Variants in FHDC1 observed in about 807,000 individuals in gnomAD.
The protein encoded by FHDC1 is FH2 domain containing 1, also known as FH2 domain-containing protein 1.
In FHDC1, 25 loss-of-function variants were observed where a neutral mutation model predicts 52.6. The observed-to-expected ratio is 0.48, with a 90% CI of 0.35 to 0.66. FHDC1 has a LOEUF of 0.66. Ranked by LOEUF, FHDC1 falls within the 30% of genes least tolerant of loss-of-function variation. FHDC1 has a pLI of 0.01. For missense variants in FHDC1, 1,459 were observed against 1,452.8 expected (o/e 1.00, Z -0.07); for synonymous variants, 616 against 581.5 (o/e 1.06, Z -0.85).
At chr4:152,956,991 C>G (rs1015001708) in intron 4 of FHDC1, among the ~76,000 whole-genome samples, 3 of 152,124 alleles carry the variant, frequency 2.0e-5, no homozygotes, top group African/African-American at 7.2e-5. Flanking sequence ...TGACTGCTGC[C>G]CACTGTAAGG....
chr4:152,969,871 G>A (rs148972135), intron 10 of FHDC1, among the ~76,000 whole-genome samples: 2,599 of 152,056 alleles, frequency 0.017, 83 homozygotes, highest in African/African-American at 0.058. Context: ...GGGTTTCACC[G>A]TGTTAGCCAG....
upstream of FHDC1, among the ~76,000 whole-genome samples, chr4:152,935,490 G>C (rs1739335607): frequency 6.6e-6 from 1 of 152,108 alleles, no homozygotes. Context: ...CGATTCCCCT[G>C]TTTCTTTCTG....
chr4:152,974,782 G>T lies in FHDC1; in HGVS notation c.1491G>T (p.Arg497=), dbSNP rs924623780. 1.9e-6 allele frequency: 3 copies of T among 1,549,982 alleles called. No individual in the cohort carries two copies. The Admixed American group carries it at 5.6e-5, about 29-fold the overall frequency. ...WATGELGAFG[R]SSSENDVELL... is the part of the protein sequence containing the mutation. ...CTGGGGAGCTGGGGGCATTTGGCCG[G>T]AGCAGCAGTGAGAATGATGTGGAGC... Residue 497 remains arginine (R), a synonymous_variant, in exon 12 of 12, where the codon CGG becomes CGT. Transcript: ENST00000511601.
Position 152,943,460 on chromosome 4 carries a change from G to A in FHDC1, c.403G>A (p.Glu135Lys), listed in dbSNP as rs759659260. ...CTACCAAATTGATACAAAGACCATT[G>A]AGGAGCTCTTTGGGCAGCAGGAAGA... Reference protein sequence around the residue: ...HHYQIDTKTIEELFGQQEDTT... With the variant: ...HHYQIDTKTIKELFGQQEDTT... Residue 135 changes from glutamate (E) to lysine (K), a missense_variant, in exon 2 of 12, where the codon GAG (glutamate) becomes AAG (lysine). By Grantham distance (56) the Glu-to-Lys change is moderately conservative. This residue lies in a region of FHDC1 where 513 missense variants were observed against 581.5 expected (regional missense o/e 0.88). Transcript: ENST00000511601. The A allele has an allele frequency of 6.2e-7, 1 of 1,614,120 alleles. No homozygotes were observed. Among genetic ancestry groups the A allele is most frequent in the Non-Finnish European group, 8.5e-7 (1 of 1,180,034 alleles).
At chr4:152,962,624 G>A (rs1449039397) in intron 6 of FHDC1, among the ~76,000 whole-genome samples, 190 bp from the exon 7 acceptor site, 2 of 152,176 alleles carry the variant, frequency 1.3e-5, no homozygotes, top group African/African-American at 2.4e-5. Flanking sequence ...ACTATGACAC[G>A]GATTGCCGGT....
Position 152,962,851 on chromosome 4 carries a change from C to T in FHDC1, c.888C>T (p.His296=). Residue 296 remains histidine, a synonymous_variant, in exon 7 of 12, where the codon CAC becomes CAT. Coordinates refer to ENST00000511601, the MANE Select transcript of FHDC1 (RefSeq NM_001371116.1). ...MSCEELHSIL[H]LVLQAGNIMN... ...GTGAAGAGCTACATTCAATATTACA[C>T]TTGGTGCTCCAGGCTGGGAATATCA... 2 of 1,613,950 alleles carry T rather than the reference C, an allele frequency of 1.2e-6. No homozygotes were observed. The highest frequency in any genetic ancestry group is 1.7e-6 in the Non-Finnish European group (2 of 1,179,986).
the FHDC1 span, among the ~76,000 whole-genome samples, chr4:152,926,675 G>A: frequency 1.4e-5 from 2 of 147,422 alleles, no homozygotes; most frequent in Admixed American, 1.4e-4. Flanking sequence ...TTTGCTGGCC[G>A]TTTTTTCTTT....
chr4:152,927,725 T>G, the FHDC1 span: 1 of 1,489,448 alleles, frequency 6.7e-7, no homozygotes, highest in Non-Finnish European at 9.4e-7. Context: ...TGATGAGGTT[T>G]CTCGACAGCA....
chr4:152,953,659 T>G, intron 3 of FHDC1, 99 bp downstream of exon 3: 1 of 990,896 alleles, frequency 1.0e-6, no homozygotes. Flanking sequence ...CCTCACACCT[T>G]CAAATCCTTC....
upstream of FHDC1, among the ~76,000 whole-genome samples, chr4:152,931,935 TAAAAAAAAAAAAAA>T (rs200667161): frequency 6.3e-5 from 6 of 95,262 alleles, no homozygotes; most frequent in East Asian, 2.9e-4. Flanking sequence ...AGAACCTGTC[TAAAAAAAAAAAAAA>T]AAAAAAAAAA....
At chr4:152,945,795 C>T (rs1739713165) in intron 2 of FHDC1, among the ~76,000 whole-genome samples, 1 of 152,176 alleles carries the variant, frequency 6.6e-6, no homozygotes, top group Admixed American at 6.5e-5. Flanking sequence ...TAAGTACATC[C>T]ACATTGTTGT....
intron 1 of FHDC1, among the ~76,000 whole-genome samples, chr4:152,939,260 G>C (rs1055430299): frequency 4.0e-5 from 6 of 151,670 alleles, no homozygotes; most frequent in South Asian, 4.2e-4. Context: ...GTGTGTGTTT[G>C]AGTGTGTGTG....
upstream of FHDC1, among the ~76,000 whole-genome samples, chr4:152,931,749 T>G (rs2149929152): frequency 6.6e-6 from 1 of 152,056 alleles, no homozygotes; most frequent in East Asian, 1.9e-4. Context: ...CATTTTCTAT[T>G]TTAAACTTTC....
In FHDC1 at chr4:152,978,557, A is replaced by C. The variant is rs913151685; in HGVS notation, c.*1834A>C. 2 of 27,356 alleles carry C rather than the reference A, an allele frequency of 7.3e-5. No individual in the cohort carries two copies. Among genetic ancestry groups the C allele is most frequent in the African/African-American group, 1.7e-4 (2 of 12,060 alleles). 1.7% of individuals were successfully genotyped at this position (27,356 alleles called of 1,614,324 possible). ...TTATTCAAAAGAAACAGTTGAAAAC[A>C]TGGGACTTTTTCTACCCAATGCCCA... On this transcript the variant is annotated 3_prime_UTR_variant, in exon 12 of 12. Transcript: ENST00000511601.
In FHDC1 at chr4:152,976,409, G is replaced by C. The variant is rs1740886248; in HGVS notation, c.3118G>C (p.Val1040Leu). The C allele has an allele frequency of 1.2e-6, 2 of 1,613,678 alleles. No individual in the cohort carries two copies. The highest frequency in any genetic ancestry group is 1.7e-6 in the Non-Finnish European group (2 of 1,180,050). ...TGTCCCGAGCTTTGCCCGGAACACA[G>C]TGGCCTCCTCCTCTCGAAGCATGAG... Reference protein sequence around the residue: ...PRVPSFARNTVASSSRSMRTD... With the variant: ...PRVPSFARNTLASSSRSMRTD... Residue 1040 changes from valine (V) to leucine (L), a missense_variant, in exon 12 of 12, where the codon GTG becomes CTG. This residue lies in a region of FHDC1 where 939 missense variants were observed against 854.5 expected (regional missense o/e 1.10). Transcript: ENST00000511601.
In FHDC1 at chr4:152,976,191, C is replaced by T; in HGVS notation, c.2900C>T (p.Thr967Ile). ...CGGGGGAGCAGCGGCTCCAGCAGCACCCGTCCGGGGAGGGACGTTCCCCTG... is the reference window on the plus strand; with the variant it reads ...CGGGGGAGCAGCGGCTCCAGCAGCATCCGTCCGGGGAGGGACGTTCCCCTG... ...LPRGSSGSSS[T>I]RPGRDVPLQP... is the part of the protein sequence containing the mutation. The change falls in exon 12 of 12, where the codon ACC (threonine) becomes ATC (isoleucine). Residue 967 changes from threonine (T) to isoleucine (I), a missense_variant. Coordinates refer to ENST00000511601, the MANE Select transcript of FHDC1 (RefSeq NM_001371116.1). 1 of 1,612,594 alleles carries T rather than the reference C, an allele frequency of 6.2e-7. No individual in the cohort carries two copies. The highest frequency in any genetic ancestry group is 1.1e-5 in the South Asian group (1 of 91,076).
intron 2 of FHDC1, among the ~76,000 whole-genome samples, chr4:152,949,202 AT>A (rs1317950928): frequency 6.6e-6 from 1 of 151,400 alleles, no homozygotes. Flanking sequence ...TGGACCAGGC[AT>A]GGTGGCTGAA....
chr4:152,954,558 G>GCA (rs1336549850), intron 4 of FHDC1, among the ~76,000 whole-genome samples: 2 of 152,014 alleles, frequency 1.3e-5, no homozygotes, highest in Non-Finnish European at 2.9e-5. Context: ...GTGGTGGCAG[G>GCA]CACCTGTAAT....
chr4:152,965,710 T>C, intron 9 of FHDC1, among the ~76,000 whole-genome samples: 1 of 152,236 alleles, frequency 6.6e-6, no homozygotes, highest in East Asian at 1.9e-4. Context: ...ACCGTAACCA[T>C]GGCTGATGTC....
Sources: allele counts gnomAD v4.1 joint callset (sites outside exome capture counted in the v4.1 genomes callset), GRCh38; gene constraint gnomAD v4.1.1; regional missense constraint gnomAD v4.1.1; transcripts MANE v1.5; gene names NCBI Gene and HGNC (gene_info 2026-07-23, HGNC 2026-07-21).